HMBOX1: variants seen among roughly 807,000 people sequenced by gnomAD.
The protein encoded by HMBOX1 is homeobox containing 1.
HMBOX1 carries 14 observed loss-of-function variants against 54.5 expected under a neutral mutation model. The ratio of observed to expected loss-of-function variants is 0.26; its 90% CI spans 0.17 to 0.40. The LOEUF (loss-of-function observed/expected upper bound fraction) is 0.40, where lower values mean the gene tolerates loss of function less well. Among genes scored for constraint, HMBOX1 ranks in the 10% least tolerant of loss-of-function variants. The pLI, the probability that HMBOX1 is intolerant of heterozygous loss-of-function variation, is 1.00. For synonymous variants in HMBOX1, 160 were observed against 181.0 expected (o/e 0.88, Z 0.93); for missense variants, 332 against 514.4 (o/e 0.65, Z 3.43).
At chr8:28,998,031 G>A (rs1235027728) in intron 4 of HMBOX1, among the ~76,000 whole-genome samples, 1 of 152,184 alleles carries the variant, frequency 6.6e-6, no homozygotes, top group Non-Finnish European at 1.5e-5. Context: ...TACCAGTAAA[G>A]CATTCTGGCT....
intron 1 of HMBOX1, among the ~76,000 whole-genome samples, chr8:28,916,680 C>T (rs1385046093): frequency 1.3e-5 from 2 of 152,064 alleles, no homozygotes; most frequent in African/African-American, 4.8e-5. Flanking sequence ...ATCTGTCTGT[C>T]CCTTTTCTAC....
chr8:28,904,280 G>C (rs1813820414), intron 1 of HMBOX1, among the ~76,000 whole-genome samples: 1 of 126,276 alleles, frequency 7.9e-6, no homozygotes. Flanking sequence ...ACGGAGTCTT[G>C]CTCTGTCTTC....
chr8:28,968,752 C>T (rs28412635), intron 2 of HMBOX1, among the ~76,000 whole-genome samples: 2,921 of 152,270 alleles, frequency 0.019, 88 homozygotes, highest in African/African-American at 0.067. Context: ...CATCTGTTTC[C>T]ATCTGCAAAC....
intron 4 of HMBOX1, among the ~76,000 whole-genome samples, chr8:29,001,414 G>T (rs894005381): frequency 6.6e-6 from 1 of 152,268 alleles, no homozygotes; most frequent in Admixed American, 6.5e-5. Context: ...GCCAGGCGTG[G>T]TGGTGGGCAC....
chr8:28,973,133 C>T lies in HMBOX1; in HGVS notation c.500+2614C>T, dbSNP rs555536145. ...CATTGTGTCCCCCTCTCACGATTCTCAGGTTGTAGATAATAACAATCCTTG... is the reference window on the plus strand; with the variant it reads ...CATTGTGTCCCCCTCTCACGATTCTTAGGTTGTAGATAATAACAATCCTTG... On this transcript the variant is annotated intron_variant, in intron 3 of 9. Coordinates refer to ENST00000287701, the MANE Select transcript of HMBOX1 (RefSeq NM_001135726.3). Among the ~76,000 whole-genome samples, 3 of 152,250 alleles carry T rather than the reference C, an allele frequency of 2.0e-5. No homozygotes were observed. In the South Asian group the frequency reaches 6.2e-4, roughly 32 times the overall value.
At chr8:28,955,308 C>T (rs772674663) in intron 1 of HMBOX1, among the ~76,000 whole-genome samples, 3 of 150,942 alleles carry the variant, frequency 2.0e-5, no homozygotes, top group Non-Finnish European at 4.4e-5. Context: ...ATATCCTATA[C>T]GCACACCCAT....
At chr8:29,003,495 T>C (rs1832945258) in intron 4 of HMBOX1, among the ~76,000 whole-genome samples, 1 of 37,496 alleles carries the variant, frequency 2.7e-5, no homozygotes, top group South Asian at 7.6e-4. Context: ...TGTGTGTGTG[T>C]GTATATATAT....
intron 5 of HMBOX1, among the ~76,000 whole-genome samples, chr8:29,014,494 T>C (rs1834700193): frequency 6.6e-6 from 1 of 152,216 alleles, no homozygotes. Flanking sequence ...CCAGAACAAA[T>C]CTGTTATTAA....
chr8:29,029,470 A>T (rs1446623693), intron 6 of HMBOX1, among the ~76,000 whole-genome samples: 1 of 152,344 alleles, frequency 6.6e-6, no homozygotes, highest in African/African-American at 2.4e-5. Flanking sequence ...AAAAAATATA[A>T]ATTGCATCTA....
intron 1 of HMBOX1, among the ~76,000 whole-genome samples, chr8:28,940,078 G>A (rs1235671848): frequency 9.9e-5 from 15 of 151,400 alleles, no homozygotes; most frequent in African/African-American, 3.2e-4. Flanking sequence ...GTGCTATCTC[G>A]GCTCACCGCA....
chr8:29,023,192 G>A (rs999371856), intron 6 of HMBOX1, among the ~76,000 whole-genome samples: 1 of 152,078 alleles, frequency 6.6e-6, no homozygotes, highest in Non-Finnish European at 1.5e-5. Flanking sequence ...GATTGTCAGT[G>A]CAAAGGAAAA....
At chr8:28,968,509 A>C (rs1192104257) in intron 2 of HMBOX1, among the ~76,000 whole-genome samples, 1 of 152,210 alleles carries the variant, frequency 6.6e-6, no homozygotes, top group Non-Finnish European at 1.5e-5. Context: ...TAGTTTCCTC[A>C]ACAATCAATC....
At chr8:28,940,009 A>T (rs891291416) in intron 1 of HMBOX1, among the ~76,000 whole-genome samples, 2 of 150,978 alleles carry the variant, frequency 1.3e-5, no homozygotes, top group Admixed American at 6.6e-5. Context: ...TTTATCTTTT[A>T]AAAAAAAATT....
intron 4 of HMBOX1, among the ~76,000 whole-genome samples, chr8:28,987,053 T>C (rs1168259438): frequency 6.6e-6 from 1 of 152,180 alleles, no homozygotes; most frequent in Non-Finnish European, 1.5e-5. Context: ...ATGCAGTGCA[T>C]AGGAGTCTAC....
rs1491001685 is a variant in HMBOX1 at position 28,970,609 on chromosome 8, A to G, written c.500+90A>G. The G allele has an allele frequency of 9.0e-6, 7 of 778,940 alleles. No homozygotes were observed. Among genetic ancestry groups the G allele is most frequent in the Non-Finnish European group, 1.5e-5 (7 of 481,868 alleles). 48.3% of individuals were successfully genotyped at this position (778,940 alleles called of 1,614,324 possible). On this transcript the variant is annotated intron_variant, in intron 3 of 9. Transcript: ENST00000287701. This position sits in a 1 kb window ranked among gnomAD's most constrained non-coding sequence, Gnocchi z 4.3. ...TATGCTGCGTTTCAGCTACTTAGCTATAAGAACTGTAACTTCCTCTAGCTA... is the reference window on the plus strand; with the variant it reads ...TATGCTGCGTTTCAGCTACTTAGCTGTAAGAACTGTAACTTCCTCTAGCTA...
intron 1 of HMBOX1, among the ~76,000 whole-genome samples, chr8:28,935,098 C>G (rs1206528032): frequency 1.3e-5 from 2 of 152,030 alleles, no homozygotes; most frequent in African/African-American, 2.4e-5. Flanking sequence ...GAAAAACATA[C>G]AACACTGCTG....
At chr8:28,900,271 A>AAAAATATAT (rs747317282) in intron 1 of HMBOX1, among the ~76,000 whole-genome samples, 21 of 70,348 alleles carry the variant, frequency 3.0e-4, no homozygotes, top group Admixed American at 6.5e-4. Context: ...AAAAAAAAAA[A>AAAAATATAT]ATATATATAT....
intron 6 of HMBOX1, chr8:29,042,858 T>C (rs1040258957): frequency 3.4e-5 from 12 of 348,228 alleles, no homozygotes; most frequent in African/African-American, 2.1e-4. Flanking sequence ...TTTTTGTTTT[T>C]GTAACTGATG....
At chr8:28,988,321 C>G (rs1166402461) in intron 4 of HMBOX1, among the ~76,000 whole-genome samples, 1 of 152,184 alleles carries the variant, frequency 6.6e-6, no homozygotes, top group Non-Finnish European at 1.5e-5. Context: ...TTAGTTTACC[C>G]ATTAATCAGT....
Sources: gnomAD v4.1 joint callset for allele counts (sites outside exome capture counted in the v4.1 genomes callset) on GRCh38, gnomAD v4.1.1 for gene constraint, Gnocchi (gnomAD v3.1) non-coding constraint, MANE v1.5 for transcripts, NCBI Gene and HGNC (gene_info 2026-07-23, HGNC 2026-07-21) for gene names.